The following MOXD1 variants were observed in gnomAD, a reference collection of about 807,000 sequenced individuals.
MOXD1 encodes the protein DBH-like monooxygenase protein 1.
MOXD1 carries 62 observed loss-of-function variants against 66.6 expected under a neutral mutation model. That is an observed-to-expected ratio of 0.93 (90% CI 0.76 to 1.15). The LOEUF (loss-of-function observed/expected upper bound fraction) is 1.15. MOXD1 is among the 50% of genes most tolerant of loss of function. The pLI, the probability that MOXD1 is intolerant of heterozygous loss-of-function variation, is 0.00. For synonymous variants in MOXD1, 303 were observed against 281.9 expected, an observed-to-expected ratio of 1.07 and a Z score of -0.75; for missense variants, 847 against 754.6, an observed-to-expected ratio of 1.12 and a Z score of -1.44.
intron 4 of MOXD1, among the ~76,000 whole-genome samples, chr6:132,353,704 G>A (rs528380254): frequency 2.5e-4 from 38 of 151,986 alleles, no homozygotes; most frequent in Admixed American, 2.4e-3. Flanking sequence ...TTTGGATGTC[G>A]AGGTCTCTAG....
Position 132,393,727 on chromosome 6 carries a change from T to C in MOXD1, c.264+7436A>G, listed in dbSNP as rs939912438. On this transcript the variant is annotated intron_variant, in intron 1 of 11. Transcript: ENST00000367963. ...GCCCCGCCCCTGCCAGAATGTGTTC[T>C]GCCTGGGGGCCCAAGAGCCCCTGCA... Among the ~76,000 whole-genome samples the C allele has an allele frequency of 3.9e-5, 6 of 152,312 alleles. 1 individual carries two copies. The East Asian group carries it at 1.2e-3, about 29-fold the overall frequency.
chr6:132,359,093 G>C (rs974314191), intron 4 of MOXD1, among the ~76,000 whole-genome samples: 5 of 151,556 alleles, frequency 3.3e-5, no homozygotes, highest in African/African-American at 1.2e-4. Flanking sequence ...AAAGGCCATC[G>C]TCCTCTTAGG....
intron 4 of MOXD1, among the ~76,000 whole-genome samples, chr6:132,341,546 C>T (rs1369410875): frequency 6.6e-6 from 1 of 152,220 alleles, no homozygotes; most frequent in Non-Finnish European, 1.5e-5. Context: ...AATGGCTCCA[C>T]ACTGCCCGTC....
chr6:132,308,557 G>A (rs1395396431), intron 10 of MOXD1, among the ~76,000 whole-genome samples: 7 of 152,034 alleles, frequency 4.6e-5, no homozygotes, highest in East Asian at 1.9e-4. Flanking sequence ...ACCGGGAAGA[G>A]ACACAACAAA....
intron 4 of MOXD1, among the ~76,000 whole-genome samples, chr6:132,343,566 C>A (rs1263991506): frequency 1.3e-5 from 2 of 151,264 alleles, no homozygotes; most frequent in African/African-American, 4.9e-5. Flanking sequence ...CAGAGTGAGA[C>A]CCTGTATCAA....
intron 4 of MOXD1, among the ~76,000 whole-genome samples, chr6:132,358,048 C>T (rs1032698214): frequency 6.6e-6 from 1 of 152,124 alleles, no homozygotes; most frequent in African/African-American, 2.4e-5. Flanking sequence ...AATAACTTTA[C>T]AGTAGTATTG....
chr6:132,374,117 AC>A, intron 2 of MOXD1, among the ~76,000 whole-genome samples: 1 of 152,338 alleles, frequency 6.6e-6, no homozygotes, highest in Middle Eastern at 3.4e-3. Context: ...ATTTGAATGC[AC>A]ATAAAGATAT....
At chr6:132,328,688 T>C in intron 4 of MOXD1, 94 bp from the exon 5 acceptor site, 2 of 1,180,660 alleles carry the variant, frequency 1.7e-6, no homozygotes, top group Non-Finnish European at 2.4e-6. Flanking sequence ...TTACTGTCAG[T>C]TTCTCAAAGG....
intron 1 of MOXD1, among the ~76,000 whole-genome samples, chr6:132,400,770 G>T (rs903391965): frequency 1.3e-5 from 2 of 152,108 alleles, no homozygotes; most frequent in African/African-American, 4.8e-5. Context: ...GTACTAAAGC[G>T]CTCTGTCCCT....
intron 1 of MOXD1, among the ~76,000 whole-genome samples, chr6:132,385,113 T>C (rs1776599611): frequency 6.6e-6 from 1 of 152,178 alleles, no homozygotes; most frequent in African/African-American, 2.4e-5. Flanking sequence ...GAAAGAAGGA[T>C]GGCTTCTAAT....
chr6:132,348,792 A>G (rs1272299713), intron 4 of MOXD1, among the ~76,000 whole-genome samples: 1 of 152,142 alleles, frequency 6.6e-6, no homozygotes, highest in Non-Finnish European at 1.5e-5. Context: ...AAAAGAGCAT[A>G]TAAATCAAGT....
At chr6:132,352,780 C>A (rs1405638084) in intron 4 of MOXD1, among the ~76,000 whole-genome samples, 1 of 152,108 alleles carries the variant, frequency 6.6e-6, no homozygotes, top group Non-Finnish European at 1.5e-5. Flanking sequence ...ATTCTTAGTT[C>A]TATTAGTAAC....
At chr6:132,323,638 A>G (rs1775126197) in intron 7 of MOXD1, among the ~76,000 whole-genome samples, 1 of 152,192 alleles carries the variant, frequency 6.6e-6, no homozygotes, top group Non-Finnish European at 1.5e-5. Flanking sequence ...AGACTACACA[A>G]ACAAAGGTTG....
chr6:132,384,248 TCC>T (rs1776572570), intron 1 of MOXD1, among the ~76,000 whole-genome samples: 2 of 8,374 alleles, frequency 2.4e-4, no homozygotes, highest in African/African-American at 4.4e-4. Context: ...CTCTCTTCCT[TCC>T]TTCCTTCCTT....
At chr6:132,369,869 C>T (rs1290232177) in intron 4 of MOXD1, among the ~76,000 whole-genome samples, 1 of 152,076 alleles carries the variant, frequency 6.6e-6, no homozygotes, top group Non-Finnish European at 1.5e-5. Flanking sequence ...TTTCAGATCA[C>T]AGTTGACCAT....
At chr6:132,392,984 C>T (rs1776798594) in intron 1 of MOXD1, among the ~76,000 whole-genome samples, 1 of 152,160 alleles carries the variant, frequency 6.6e-6, no homozygotes, top group Non-Finnish European at 1.5e-5. Context: ...GTCACACTGC[C>T]CTCTGGAGGT....
At chr6:132,311,902 G>C (rs1053365489) in intron 10 of MOXD1, among the ~76,000 whole-genome samples, 1 of 152,002 alleles carries the variant, frequency 6.6e-6, no homozygotes, top group Admixed American at 6.6e-5. Context: ...ATAAGCACGT[G>C]TGAGTTTTAA....
At chr6:132,359,888 C>A (rs1775983492) in intron 4 of MOXD1, among the ~76,000 whole-genome samples, 1 of 152,200 alleles carries the variant, frequency 6.6e-6, no homozygotes, top group South Asian at 2.1e-4. Context: ...AGACTTCAGT[C>A]CTCCCTTCAA....
intron 9 of MOXD1, among the ~76,000 whole-genome samples, chr6:132,320,224 T>C (rs1027163483): frequency 6.6e-6 from 1 of 152,220 alleles, no homozygotes; most frequent in African/African-American, 2.4e-5. Flanking sequence ...AGTAAATCTG[T>C]TGGGACCAGA....
Sources: allele counts gnomAD v4.1 joint callset (sites outside exome capture counted in the v4.1 genomes callset), GRCh38; gene constraint gnomAD v4.1.1; transcripts MANE v1.5; gene names NCBI Gene and HGNC (gene_info 2026-07-23, HGNC 2026-07-21).